Variants in EEPD1 observed in about 807,000 individuals in gnomAD.
The protein encoded by EEPD1 is endonuclease/exonuclease/phosphatase family domain containing 1.
EEPD1 carries 17 observed loss-of-function variants against 46.3 expected under a neutral mutation model. That is an observed-to-expected ratio of 0.37 (90% CI 0.25 to 0.55). The LOEUF is 0.55. Ranked by LOEUF, EEPD1 falls within the 20% of genes least tolerant of loss-of-function variation. The pLI is 0.83. For synonymous variants in EEPD1, 313 were observed against 315.6 expected (o/e 0.99, Z 0.09); for missense variants, 673 against 745.6 (o/e 0.90, Z 1.13).
chr7:36,227,559 G>T (rs1254303033), intron 2 of EEPD1, among the ~76,000 whole-genome samples: 3 of 152,172 alleles, frequency 2.0e-5, no homozygotes, highest in Admixed American at 2.0e-4. Context: ...AAGTAAGCAT[G>T]GGGGAAAACA....
At chr7:36,177,236 AG>A (rs1286288742) in intron 2 of EEPD1, among the ~76,000 whole-genome samples, 10 of 11,810 alleles carry the variant, frequency 8.5e-4, no homozygotes, top group Admixed American at 3.0e-3. Context: ...ATCTTACTTG[AG>A]GTTTTTTTTT....
chr7:36,164,951 C>T (rs1784958813), intron 2 of EEPD1, among the ~76,000 whole-genome samples: 1 of 152,024 alleles, frequency 6.6e-6, no homozygotes. Flanking sequence ...GAGTTTTAAG[C>T]TATGTTATTA....
intron 2 of EEPD1, among the ~76,000 whole-genome samples, chr7:36,236,460 GC>G (rs1470638012): frequency 1.3e-5 from 2 of 152,236 alleles, no homozygotes; most frequent in Non-Finnish European, 2.9e-5. Flanking sequence ...GGCCACGACA[GC>G]CGGTCTCCGT....
intron 6 of EEPD1, among the ~76,000 whole-genome samples, chr7:36,292,033 A>G (rs1253681373): frequency 1.3e-5 from 2 of 152,182 alleles, no homozygotes; most frequent in Non-Finnish European, 2.9e-5. Flanking sequence ...TTGGCCCTGA[A>G]ATCACTTTGT....
Position 36,299,270 on chromosome 7 carries a change from G to A in EEPD1, c.*64G>A, listed in dbSNP as rs1787579873. ...GGCACAGCCAAGGAATGAGCCCTGT[G>A]GGGTGACGCTTCAGGGCAGAGCTGC... On this transcript the variant is annotated 3_prime_UTR_variant, in exon 8 of 8. Coordinates refer to ENST00000242108, the MANE Select transcript of EEPD1 (RefSeq NM_030636.3). 6.5e-7 allele frequency: 1 copy of A among 1,545,092 alleles called. No individual in the cohort carries two copies. Among genetic ancestry groups the A allele is most frequent in the Admixed American group, 1.8e-5 (1 of 54,558 alleles).
Position 36,299,126 on chromosome 7 carries a change from TG to T in EEPD1, c.1632del (p.Trp544Ter). ...VLAEFYTEKD[W>X]SKKDAPRNGS... ...AGCCGAGTTCTACACTGAAAAGGACTGGAGCAAGAAGGATGCCCCTCGGAAC... is the reference window on the plus strand; with the variant it reads ...AGCCGAGTTCTACACTGAAAAGGACTGAGCAAGAAGGATGCCCCTCGGAAC... On this transcript the variant is annotated frameshift_variant, in exon 8 of 8. Transcript: ENST00000242108. LOFTEE classifies it high-confidence loss of function. 1.2e-6 allele frequency: 2 copies of T among 1,611,512 alleles called. No individual in the cohort carries two copies. The highest frequency in any genetic ancestry group is 1.7e-6 in the Non-Finnish European group (2 of 1,177,884).
At chr7:36,252,633 G>A (rs901810579) in intron 3 of EEPD1, among the ~76,000 whole-genome samples, 3 of 152,060 alleles carry the variant, frequency 2.0e-5, no homozygotes, top group East Asian at 1.9e-4. Context: ...AAATGCACAC[G>A]TGTATTCGAA....
chr7:36,286,365 G>A (rs1787342212), intron 5 of EEPD1, among the ~76,000 whole-genome samples: 1 of 152,194 alleles, frequency 6.6e-6, no homozygotes, highest in Non-Finnish European at 1.5e-5. Flanking sequence ...CAGAGCTCTT[G>A]GTCCTGGTTG....
At chr7:36,173,699 C>T (rs1489841847) in intron 2 of EEPD1, among the ~76,000 whole-genome samples, 5 of 152,116 alleles carry the variant, frequency 3.3e-5, no homozygotes, top group African/African-American at 1.2e-4. Context: ...TGAAAATCAA[C>T]CAATACAGTC....
chr7:36,280,262 G>A (rs188230859), intron 3 of EEPD1, among the ~76,000 whole-genome samples: 2 of 152,332 alleles, frequency 1.3e-5, no homozygotes, highest in Middle Eastern at 3.4e-3. Context: ...CTGGATAGGG[G>A]TGTAAGCTGC....
At position 36,284,692 on chromosome 7, in the gene EEPD1, G is replaced by C; in HGVS notation, c.1048G>C (p.Gly350Arg). Residue 350 changes from glycine (G) to arginine (R), a missense_variant, in exon 5 of 8, where the codon GGG becomes CGG. By Grantham distance (125) the Gly-to-Arg change is moderately radical. Transcript: ENST00000242108. ...KPSSQLQKGA[G>R]YAGFLWDAAA... ...GTCTCCCTCTCCGCTGCAGGGAGCT[G>C]GGTATGCAGGATTCCTATGGGACGC... 6.2e-7 allele frequency: 1 copy of C among 1,612,320 alleles called. No individual in the cohort carries two copies. The highest frequency in any genetic ancestry group is 8.5e-7 in the Non-Finnish European group (1 of 1,179,212).
At chr7:36,192,465 A>G (rs1410275544) in intron 2 of EEPD1, among the ~76,000 whole-genome samples, 1 of 152,174 alleles carries the variant, frequency 6.6e-6, no homozygotes, top group Non-Finnish European at 1.5e-5. Flanking sequence ...TTTCCAGGAC[A>G]GTGACACTGT....
intron 2 of EEPD1, among the ~76,000 whole-genome samples, chr7:36,164,388 A>T (rs2700910): frequency 0.14 from 21,973 of 152,254 alleles, 2,087 homozygotes; most frequent in Non-Finnish European, 0.22. Flanking sequence ...TGGTAAGCAC[A>T]TGATGCCCTA....
At chr7:36,298,189 A>G (rs767003260) in intron 7 of EEPD1, among the ~76,000 whole-genome samples, 5 of 152,238 alleles carry the variant, frequency 3.3e-5, no homozygotes, top group Non-Finnish European at 5.9e-5. Flanking sequence ...GCTATGGGCC[A>G]GGAAAAGAGG....
intron 2 of EEPD1, among the ~76,000 whole-genome samples, chr7:36,206,158 C>T (rs376770106): frequency 4.0e-4 from 60 of 151,782 alleles, no homozygotes; most frequent in African/African-American, 1.4e-3. Context: ...AAACACTAGC[C>T]GAGACATAGG....
chr7:36,206,343 A>G (rs1314116742), intron 2 of EEPD1, among the ~76,000 whole-genome samples: 1 of 151,254 alleles, frequency 6.6e-6, no homozygotes, highest in Non-Finnish European at 1.5e-5. Flanking sequence ...AGTCATTTTA[A>G]TATTTTTTAT....
intron 5 of EEPD1, among the ~76,000 whole-genome samples, chr7:36,287,147 G>A (rs1787352329): frequency 7.3e-6 from 1 of 136,080 alleles, no homozygotes; most frequent in Non-Finnish European, 1.5e-5. Flanking sequence ...TGAGGCAGGA[G>A]AATCACTTGA....
intron 2 of EEPD1, among the ~76,000 whole-genome samples, chr7:36,187,807 A>AT (rs1400297958): frequency 6.6e-6 from 1 of 151,744 alleles, no homozygotes; most frequent in East Asian, 1.9e-4. Flanking sequence ...TTTATTATTT[A>AT]TTTTTTTGAG....
intron 2 of EEPD1, among the ~76,000 whole-genome samples, chr7:36,191,592 C>G (rs1033920332): frequency 1.3e-5 from 2 of 152,190 alleles, no homozygotes; most frequent in African/African-American, 4.8e-5. Flanking sequence ...CTAACTAGAA[C>G]TGGTTTTCCG....
Sources: gnomAD v4.1 joint callset for allele counts (sites outside exome capture counted in the v4.1 genomes callset) on GRCh38, gnomAD v4.1.1 for gene constraint, MANE v1.5 for transcripts, NCBI Gene and HGNC (gene_info 2026-07-23, HGNC 2026-07-21) for gene names.